The following C12orf54 variants were observed in gnomAD, a reference collection of about 807,000 sequenced individuals.
C12orf54 encodes uncharacterized protein C12orf54.
In C12orf54, 24 loss-of-function variants were observed where a neutral mutation model predicts 26.4. That is an observed-to-expected ratio of 0.91 (90% CI 0.66 to 1.28). C12orf54 has a LOEUF of 1.28. Ranked by LOEUF, C12orf54 falls within the 50% of genes most tolerant of loss-of-function variation. The pLI, the probability that C12orf54 is intolerant of heterozygous loss-of-function variation, is 0.00. For synonymous variants in C12orf54, 54 were observed against 47.0 expected, an observed-to-expected ratio of 1.15 and a Z score of -0.61; for missense variants, 154 against 150.9, an observed-to-expected ratio of 1.02 and a Z score of -0.11.
At chr12:48,462,088 A>G in the C12orf54 span, among the ~76,000 whole-genome samples, 1 of 151,572 alleles carries the variant, frequency 6.6e-6, no homozygotes, top group African/African-American at 2.4e-5. Flanking sequence ...ATAGATATGA[A>G]AAAACTAATA....
At chr12:48,473,072 C>G in the C12orf54 span, 1 of 1,614,070 alleles carries the variant, frequency 6.2e-7, no homozygotes, top group Non-Finnish European at 8.5e-7. Context: ...AAAAGATGTT[C>G]AAGCTCCTCC....
the C12orf54 span, among the ~76,000 whole-genome samples, chr12:48,439,352 G>A: frequency 6.6e-6 from 1 of 152,150 alleles, no homozygotes; most frequent in African/African-American, 2.4e-5. Context: ...ATTCCTCAGG[G>A]ATCTAGAACT....
At chr12:48,483,761 G>A (rs780431307) in intron 2 of C12orf54, among the ~76,000 whole-genome samples, 1 of 152,210 alleles carries the variant, frequency 6.6e-6, no homozygotes, top group Non-Finnish European at 1.5e-5. Context: ...GGCTAAATAT[G>A]AGACCCAGGT....
At chr12:48,483,882 GT>G (rs1470876038) in intron 2 of C12orf54, among the ~76,000 whole-genome samples, 2 of 152,190 alleles carry the variant, frequency 1.3e-5, no homozygotes, top group Non-Finnish European at 2.9e-5. Flanking sequence ...TGCAGCAGAT[GT>G]TTTGAGATAA....
At chr12:48,423,659 T>C in the C12orf54 span, among the ~76,000 whole-genome samples, 1 of 152,114 alleles carries the variant, frequency 6.6e-6, no homozygotes, top group Non-Finnish European at 1.5e-5. Flanking sequence ...CAATGTACTT[T>C]GTTTTCTTGC....
the C12orf54 span, among the ~76,000 whole-genome samples, chr12:48,474,718 G>A: frequency 2.0e-5 from 3 of 152,214 alleles, no homozygotes; most frequent in Non-Finnish European, 4.4e-5. Flanking sequence ...TGCCAAGTTA[G>A]TTGTTTGATT....
the C12orf54 span, among the ~76,000 whole-genome samples, chr12:48,430,192 A>G: frequency 8.5e-5 from 13 of 152,340 alleles, no homozygotes; most frequent in African/African-American, 3.1e-4. Context: ...GCATGAAACT[A>G]TGAAAATTCT....
the C12orf54 span, chr12:48,473,059 G>A: frequency 4.3e-6 from 7 of 1,614,038 alleles, no homozygotes; most frequent in Admixed American, 1.0e-4. Context: ...AACAACTACT[G>A]AGAAAAGATG....
chr12:48,488,481 C>CAAAAAAAAAAAAAAAAA (rs551426749), intron 4 of C12orf54: 1 of 186,458 alleles, frequency 5.4e-6, no homozygotes, highest in Non-Finnish European at 1.0e-5. Context: ...AACTTACAGC[C>CAAAAAAAAAAAAAAAAA]AAAAAAAAAA....
At position 48,492,585 on chromosome 12, in the gene C12orf54, T is replaced by G. The variant is rs552871406; in HGVS notation, c.194-362T>G. On this transcript the variant is annotated intron_variant, in intron 6 of 8. Transcript: ENST00000548364. Reference sequence around the variant, plus strand: ...AGGGAGGGTGAAATCCAGGGTGAGATGAGGAGAATTCAAGTCTTATTGTAC... The same window carrying G: ...AGGGAGGGTGAAATCCAGGGTGAGAGGAGGAGAATTCAAGTCTTATTGTAC... Among the ~76,000 whole-genome samples, 354 of 152,216 alleles carry G rather than the reference T, an allele frequency of 2.3e-3. 1 individual carries two copies. Among genetic ancestry groups the G allele is most frequent in the African/African-American group, 7.9e-3 (329 of 41,544 alleles).
chr12:48,415,828 G>T, the C12orf54 span, among the ~76,000 whole-genome samples: 2 of 152,078 alleles, frequency 1.3e-5, no homozygotes, highest in Non-Finnish European at 2.9e-5. Flanking sequence ...ATTCCACTCT[G>T]ATATCTAATA....
chr12:48,421,499 T>C, the C12orf54 span, among the ~76,000 whole-genome samples: 1 of 135,506 alleles, frequency 7.4e-6, no homozygotes, highest in African/African-American at 2.7e-5. Context: ...ATCCAAACCA[T>C]CCATATCATG....
chr12:48,435,078 A>C, the C12orf54 span, among the ~76,000 whole-genome samples: 1 of 152,212 alleles, frequency 6.6e-6, no homozygotes, highest in Admixed American at 6.5e-5. Flanking sequence ...GACCTGATGG[A>C]GCTGAAAACT....
chr12:48,447,031 A>G, the C12orf54 span, among the ~76,000 whole-genome samples: 9 of 152,228 alleles, frequency 5.9e-5, no homozygotes, highest in Admixed American at 2.0e-4. Flanking sequence ...AGTGATATAT[A>G]TAATTCACCT....
the C12orf54 span, among the ~76,000 whole-genome samples, chr12:48,460,631 A>G: frequency 2.0e-5 from 3 of 152,322 alleles, no homozygotes; most frequent in Middle Eastern, 6.8e-3. Context: ...GGTTTATGCC[A>G]TATGACAACA....
the C12orf54 span, chr12:48,417,456 G>A: frequency 6.6e-6 from 1 of 152,148 alleles, no homozygotes; most frequent in South Asian, 2.1e-4. Flanking sequence ...TGGAATCAAG[G>A]TTAAAATTCT....
the C12orf54 span, among the ~76,000 whole-genome samples, chr12:48,462,434 C>A: frequency 1.3e-5 from 2 of 151,388 alleles, no homozygotes; most frequent in African/African-American, 4.8e-5. Context: ...ACTATGACAT[C>A]ATAAGAAAAA....
At chr12:48,472,578 T>C in the C12orf54 span, 1 of 1,520,628 alleles carries the variant, frequency 6.6e-7, no homozygotes. Context: ...GCAGAGCTGG[T>C]TGAGCTTTCA....
At chr12:48,429,702 G>A in the C12orf54 span, among the ~76,000 whole-genome samples, 1 of 152,056 alleles carries the variant, frequency 6.6e-6, no homozygotes, top group African/African-American at 2.4e-5. Context: ...CATGCTCATG[G>A]ATGGGTAGAA....
Sources: gnomAD v4.1 joint callset for allele counts (sites outside exome capture counted in the v4.1 genomes callset) on GRCh38, gnomAD v4.1.1 for gene constraint, MANE v1.5 for transcripts, NCBI Gene and HGNC (gene_info 2026-07-23, HGNC 2026-07-21) for gene names.